Variants in GREB1L observed in about 807,000 individuals in gnomAD.
The protein encoded by GREB1L is GREB1 like retinoic acid receptor coactivator.
A neutral mutation model predicts 200.8 loss-of-function variants in GREB1L; 17 were observed. The ratio of observed to expected loss-of-function variants is 0.08; its 90% CI spans 0.06 to 0.13. The LOEUF is 0.13. GREB1L is among the 10% of genes least tolerant of loss of function. The pLI is 1.00. For missense variants in GREB1L, 1,657 were observed against 2,367.7 expected (o/e 0.70, Z 6.23); for synonymous variants, 789 against 893.0 (o/e 0.88, Z 2.08).
intron 1 of GREB1L, among the ~76,000 whole-genome samples, chr18:21,301,806 A>G (rs2038621639): frequency 6.6e-6 from 1 of 152,254 alleles, no homozygotes; most frequent in Admixed American, 6.5e-5. Context: ...GCTCAAACCA[A>G]TTAGCAAACT....
chr18:21,462,546 T>C (rs1174804719), intron 15 of GREB1L, among the ~76,000 whole-genome samples: 2 of 152,180 alleles, frequency 1.3e-5, no homozygotes, highest in African/African-American at 4.8e-5. Flanking sequence ...GCTTCCCAGG[T>C]TCAAGTGATC....
At chr18:21,315,999 T>A (rs971700817) in intron 1 of GREB1L, among the ~76,000 whole-genome samples, 4 of 152,194 alleles carry the variant, frequency 2.6e-5, no homozygotes, top group African/African-American at 9.7e-5. Context: ...CCCTCGGGGA[T>A]AGGCCTGAGG....
At chr18:21,337,997 A>G (rs2039213851) in intron 1 of GREB1L, among the ~76,000 whole-genome samples, 2 of 151,720 alleles carry the variant, frequency 1.3e-5, no homozygotes, top group Non-Finnish European at 2.9e-5. Flanking sequence ...AAAAAAAAAG[A>G]AAAAAAATTC....
intron 11 of GREB1L, among the ~76,000 whole-genome samples, chr18:21,447,459 G>A (rs890575951): frequency 6.6e-6 from 1 of 152,162 alleles, no homozygotes; most frequent in Non-Finnish European, 1.5e-5. Flanking sequence ...CTGTATAAAA[G>A]CGAGCTTTAA....
chr18:21,305,333 G>A (rs896221710), intron 1 of GREB1L, among the ~76,000 whole-genome samples: 6 of 152,040 alleles, frequency 3.9e-5, no homozygotes, highest in Non-Finnish European at 5.9e-5. Context: ...AGATCACTAT[G>A]TAAAGTTCTT....
chr18:21,250,100 A>G (rs2037677204), intron 1 of GREB1L, among the ~76,000 whole-genome samples: 1 of 152,124 alleles, frequency 6.6e-6, no homozygotes, highest in Non-Finnish European at 1.5e-5. Flanking sequence ...GGTTAGGGGA[A>G]GAGGGTTTCA....
In GREB1L at chr18:21,333,728, T is replaced by G. The variant is rs190832818; in HGVS notation, c.-119-32299T>G. 1.0e-4 allele frequency among the ~76,000 whole-genome samples: 15 copies of G among 150,722 alleles called. No individual in the cohort carries two copies. In the East Asian group the frequency reaches 2.9e-3, roughly 30 times the overall value. On this transcript the variant is annotated intron_variant, in intron 1 of 32. Coordinates refer to ENST00000424526, the MANE Select transcript of GREB1L (RefSeq NM_001142966.3). ...TGGGTTTGGTGGCTCACCCCTGTAA[T>G]CCCAACACTTTGGGAGGCTGAGGTG...
rs1274556093 is a variant in GREB1L at position 21,523,735 on chromosome 18, GTTTCC to G, written c.*919_*923del. The G allele has an allele frequency of 2.0e-5, 3 of 152,182 alleles. No homozygotes were observed. Among genetic ancestry groups the G allele is most frequent in the Non-Finnish European group, 4.4e-5 (3 of 68,036 alleles). 9.4% of individuals were successfully genotyped at this position (152,182 alleles called of 1,614,324 possible). On this transcript the variant is annotated 3_prime_UTR_variant, in exon 33 of 33. Transcript: ENST00000424526. ...TTCTGTTGCAGAGTGAAACTAGTTT[GTTTCC>G]TTTCAGGGACTCAAGCAAAGCTTCC...
In GREB1L at chr18:21,524,255, C is replaced by G. The variant is rs762879486; in HGVS notation, c.*1434C>G. ...AGTGTTAATTGACCAGCTTTATTAT[C>G]TTATGACAACAAGGAGTTTACAAAG... On this transcript the variant is annotated 3_prime_UTR_variant, in exon 33 of 33. Coordinates refer to ENST00000424526, the MANE Select transcript of GREB1L (RefSeq NM_001142966.3). 1.3e-5 allele frequency: 2 copies of G among 152,134 alleles called. No homozygotes were observed. The highest frequency in any genetic ancestry group is 4.8e-5 in the African/African-American group (2 of 41,448). The allele number at this position is 152,134 out of a possible 1,614,324, so 9.4% of individuals were successfully genotyped here.
intron 1 of GREB1L, among the ~76,000 whole-genome samples, chr18:21,345,346 G>A (rs537775244): frequency 6.6e-6 from 1 of 152,280 alleles, no homozygotes; most frequent in South Asian, 2.1e-4. Context: ...TACTCTGGCT[G>A]GAACATGCCA....
chr18:21,522,173 TA>T (rs200345974), intron 32 of GREB1L, among the ~76,000 whole-genome samples: 1 of 151,596 alleles, frequency 6.6e-6, no homozygotes, highest in East Asian at 2.0e-4. Context: ...TTTATACTCT[TA>T]AAAATTACTG....
At chr18:21,461,316 T>A (rs1228360296) in intron 15 of GREB1L, among the ~76,000 whole-genome samples, 1 of 152,022 alleles carries the variant, frequency 6.6e-6, no homozygotes, top group African/African-American at 2.4e-5. Flanking sequence ...AACTTTTTTC[T>A]CTCTGGGGTC....
At position 21,444,310 on chromosome 18, in the gene GREB1L, T is replaced by G; in HGVS notation, c.1294T>G (p.Leu432Val). ...LLVNCYKIPQ[L>V]ENKDLEKLGL... ...GGTGAATTGCTACAAGATTCCACAGTTGGAAAACAAAGATTTGGAAAAATT... is the reference window on the plus strand; with the variant it reads ...GGTGAATTGCTACAAGATTCCACAGGTGGAAAACAAAGATTTGGAAAAATT... Residue 432 changes from leucine to valine, a missense_variant, in exon 11 of 33, where the codon TTG (leucine) becomes GTG (valine). Physicochemically the swap from Leu to Val is conservative, Grantham distance 32 (BLOSUM62 1). Coordinates refer to ENST00000424526, the MANE Select transcript of GREB1L (RefSeq NM_001142966.3). 1 of 1,551,896 alleles carries G rather than the reference T, an allele frequency of 6.4e-7. No individual in the cohort carries two copies. Among genetic ancestry groups the G allele is most frequent in the Non-Finnish European group, 8.7e-7 (1 of 1,146,810 alleles).
intron 7 of GREB1L, among the ~76,000 whole-genome samples, chr18:21,421,432 C>T (rs1431500183): frequency 6.6e-6 from 1 of 152,074 alleles, no homozygotes; most frequent in Non-Finnish European, 1.5e-5. Context: ...CTAATGCAGG[C>T]TCAGAGTGCA....
chr18:21,516,594 T>C lies in GREB1L; in HGVS notation c.5130-19T>C. 7 of 1,550,134 alleles carry C rather than the reference T, an allele frequency of 4.5e-6. No homozygotes were observed. Among genetic ancestry groups the C allele is most frequent in the Non-Finnish European group, 6.1e-6 (7 of 1,145,682 alleles). On this transcript the variant is annotated intron_variant, in intron 29 of 32. Coordinates refer to ENST00000424526, the MANE Select transcript of GREB1L (RefSeq NM_001142966.3). ...AGATATGCCAGCGGAAGAAAACTAT[T>C]GTTGTGGTTACAATTTAGGTATTTC...
chr18:21,244,856 C>T (rs1308061698), intron 1 of GREB1L, among the ~76,000 whole-genome samples: 12 of 152,136 alleles, frequency 7.9e-5, no homozygotes, highest in African/African-American at 2.9e-4. Flanking sequence ...CCCACAGTGT[C>T]ATTTTTAGGA....
chr18:21,446,155 G>C (rs2034206320), intron 11 of GREB1L, among the ~76,000 whole-genome samples: 2 of 152,274 alleles, frequency 1.3e-5, no homozygotes, highest in African/African-American at 4.8e-5. Context: ...CTCCCGAGTA[G>C]CTGGGACTAC....
At chr18:21,325,276 G>T (rs1225729594) in intron 1 of GREB1L, among the ~76,000 whole-genome samples, 1 of 152,068 alleles carries the variant, frequency 6.6e-6, no homozygotes, top group Non-Finnish European at 1.5e-5. Context: ...TTGGTAAAAT[G>T]TTAGTTATAA....
At chr18:21,282,107 T>A (rs2038279404) in intron 1 of GREB1L, among the ~76,000 whole-genome samples, 1 of 151,914 alleles carries the variant, frequency 6.6e-6, no homozygotes, top group African/African-American at 2.4e-5. Flanking sequence ...ACCCCACATT[T>A]ACGAAAAATT....
Sources: allele counts gnomAD v4.1 joint callset (sites outside exome capture counted in the v4.1 genomes callset), GRCh38; gene constraint gnomAD v4.1.1; transcripts MANE v1.5; gene names NCBI Gene and HGNC (gene_info 2026-07-23, HGNC 2026-07-21).